ENTREP2: variants seen among roughly 807,000 people sequenced by gnomAD.
ENTREP2 encodes endosomal transmembrane epsin interactor 2.
the ENTREP2 span, among the ~76,000 whole-genome samples, chr15:29,402,294 G>A: frequency 1.1e-5 from 1 of 87,380 alleles, no homozygotes; most frequent in Non-Finnish European, 2.3e-5. Context: ...ATATTGTATT[G>A]TGTGTGTGTG....
At chr15:29,188,569 T>C in the ENTREP2 span, among the ~76,000 whole-genome samples, 1 of 152,196 alleles carries the variant, frequency 6.6e-6, no homozygotes, top group South Asian at 2.1e-4. Context: ...TTCATCCATG[T>C]CCCTGCAAAG....
chr15:29,555,370 G>C, the ENTREP2 span, among the ~76,000 whole-genome samples: 10 of 152,162 alleles, frequency 6.6e-5, no homozygotes, highest in Non-Finnish European at 1.2e-4. Flanking sequence ...AAGAATTGGG[G>C]CTACTAGACC....
the ENTREP2 span, chr15:29,196,729 A>G: frequency 6.6e-6 from 4 of 606,098 alleles, no homozygotes; most frequent in Admixed American, 3.7e-5. Context: ...GACCCAGGCC[A>G]TCAGGAGGAC....
chr15:29,490,523 T>A, the ENTREP2 span, among the ~76,000 whole-genome samples: 3 of 152,178 alleles, frequency 2.0e-5, no homozygotes, highest in Non-Finnish European at 4.4e-5. Context: ...AGAGAGCTGA[T>A]TGGTCCGTTT....
chr15:29,659,767 C>T, the ENTREP2 span, among the ~76,000 whole-genome samples: 1 of 151,934 alleles, frequency 6.6e-6, no homozygotes, highest in Non-Finnish European at 1.5e-5. Flanking sequence ...ATTTTTATTA[C>T]CGTATGATAT....
the ENTREP2 span, among the ~76,000 whole-genome samples, chr15:29,560,394 G>A: frequency 2.0e-5 from 3 of 152,216 alleles, no homozygotes; most frequent in South Asian, 2.1e-4. Flanking sequence ...GCAGAGACCT[G>A]TGTGAGTGAC....
chr15:29,456,358 G>A, the ENTREP2 span, among the ~76,000 whole-genome samples: 2 of 152,330 alleles, frequency 1.3e-5, no homozygotes, highest in Non-Finnish European at 1.5e-5. Context: ...AAGAGGAGGG[G>A]TAGTGAAGTT....
At chr15:29,581,949 T>A in the ENTREP2 span, among the ~76,000 whole-genome samples, 1 of 151,612 alleles carries the variant, frequency 6.6e-6, no homozygotes. Context: ...CTGGTTTTTT[T>A]TTTTTTTTTT....
chr15:29,505,903 A>AGAAT, the ENTREP2 span, among the ~76,000 whole-genome samples: 1 of 151,968 alleles, frequency 6.6e-6, no homozygotes, highest in Non-Finnish European at 1.5e-5. This position sits in a 1 kb window ranked among gnomAD's most constrained non-coding sequence, Gnocchi z 4.3. Context: ...AACTGGACAG[A>AGAAT]GAATGAGTTT....
chr15:29,427,777 C>T, the ENTREP2 span, among the ~76,000 whole-genome samples: 6 of 152,276 alleles, frequency 3.9e-5, no homozygotes, highest in South Asian at 1.0e-3. Flanking sequence ...TTCATAGGTT[C>T]CAGCGATTAG....
At chr15:29,638,883 G>A in the ENTREP2 span, among the ~76,000 whole-genome samples, 1 of 152,226 alleles carries the variant, frequency 6.6e-6, no homozygotes, top group Non-Finnish European at 1.5e-5. Context: ...AGCCCAATCT[G>A]AGGAGTGTGA....
At chr15:29,325,726 G>C in the ENTREP2 span, among the ~76,000 whole-genome samples, 1 of 152,142 alleles carries the variant, frequency 6.6e-6, no homozygotes, top group Non-Finnish European at 1.5e-5. Context: ...CAGAAGCAGA[G>C]GGAACGCTTC....
At chr15:29,267,254 A>G in the ENTREP2 span, 2 of 152,196 alleles carry the variant, frequency 1.3e-5, no homozygotes, top group South Asian at 4.1e-4. Flanking sequence ...CCTTATTTCA[A>G]GGTTAATTTG....
the ENTREP2 span, among the ~76,000 whole-genome samples, chr15:29,311,047 A>G: frequency 6.6e-6 from 1 of 151,924 alleles, no homozygotes; most frequent in African/African-American, 2.4e-5. Flanking sequence ...GACAAATTAC[A>G]ATGAAGAGGA....
the ENTREP2 span, chr15:29,123,579 A>G: frequency 6.4e-7 from 1 of 1,551,744 alleles, no homozygotes; most frequent in African/African-American, 1.4e-5. Flanking sequence ...GCCGTTGGTC[A>G]GTTTTCCAGG....
chr15:29,250,550 G>A, the ENTREP2 span, among the ~76,000 whole-genome samples: 1 of 152,130 alleles, frequency 6.6e-6, no homozygotes, highest in African/African-American at 2.4e-5. Flanking sequence ...AGACCAGGAG[G>A]GGTCAGCCCT....
At chr15:29,205,533 T>C in the ENTREP2 span, among the ~76,000 whole-genome samples, 1 of 152,234 alleles carries the variant, frequency 6.6e-6, no homozygotes, top group Non-Finnish European at 1.5e-5. Context: ...TCAGGTGGTA[T>C]CTCACTCTGG....
At chr15:29,285,530 C>T in the ENTREP2 span, among the ~76,000 whole-genome samples, 1 of 152,202 alleles carries the variant, frequency 6.6e-6, no homozygotes, top group South Asian at 2.1e-4. Context: ...AGAAGAATCA[C>T]AAAGTTTGAA....
the ENTREP2 span, among the ~76,000 whole-genome samples, chr15:29,264,500 C>A: frequency 6.6e-6 from 1 of 152,276 alleles, no homozygotes; most frequent in African/African-American, 2.4e-5. Context: ...TTTTGTGCCA[C>A]CTGATAGGAT....
Sources: gnomAD v4.1 joint callset for allele counts (sites outside exome capture counted in the v4.1 genomes callset) on GRCh38, gnomAD v4.1.1 for gene constraint, Gnocchi (gnomAD v3.1) non-coding constraint, MANE v1.5 for transcripts, NCBI Gene and HGNC (gene_info 2026-07-23, HGNC 2026-07-21) for gene names.